The following TSPAN13 variants were observed in gnomAD, a reference collection of about 807,000 sequenced individuals.
TSPAN13 encodes the protein tetraspanin 13.
Under a neutral mutation model 26.9 loss-of-function variants are expected in TSPAN13, and 18 were observed. The observed-to-expected ratio is 0.67, with a 90% CI of 0.46 to 0.99. The LOEUF is 0.99. TSPAN13 is among the 50% of genes least tolerant of loss of function. The pLI, the probability that TSPAN13 is intolerant of heterozygous loss-of-function variation, is 0.00. For missense variants in TSPAN13, 201 were observed against 249.6 expected, an observed-to-expected ratio of 0.81 and a Z score of 1.31; for synonymous variants, 116 against 98.4, an observed-to-expected ratio of 1.18 and a Z score of -1.06.
intron 1 of TSPAN13, among the ~76,000 whole-genome samples, chr7:16,759,694 T>A (rs916361625): frequency 3.5e-5 from 5 of 140,966 alleles, no homozygotes; most frequent in African/African-American, 1.4e-4. Flanking sequence ...TTCTTTTCTT[T>A]CTTTCTTTTT....
chr7:16,754,006 G>C lies in TSPAN13; in HGVS notation c.39G>C (p.Leu13=). The change falls in exon 1 of 6, where the codon CTG becomes CTC. Residue 13 remains leucine (L), a synonymous_variant. Transcript: ENST00000262067. ...GCTTCGCGTGTTCCAAGAACTGCCT[G>C]TGCGCCCTCAACCTGCTTTACACCG... ...CGGFACSKNC[L]CALNLLYTLV... 1 of 1,613,776 alleles carries C rather than the reference G, an allele frequency of 6.2e-7. No individual in the cohort carries two copies. The highest frequency in any genetic ancestry group is 1.1e-5 in the South Asian group (1 of 90,976).
intron 1 of TSPAN13, among the ~76,000 whole-genome samples, chr7:16,770,636 AT>A (rs1246886165): frequency 6.6e-6 from 1 of 151,288 alleles, no homozygotes; most frequent in South Asian, 2.1e-4. Flanking sequence ...CTCATGGTAA[AT>A]TTTTTTCTTA....
intron 4 of TSPAN13, among the ~76,000 whole-genome samples, chr7:16,778,776 T>G (rs1700951486): frequency 6.6e-6 from 1 of 152,160 alleles, no homozygotes; most frequent in Admixed American, 6.5e-5. Flanking sequence ...CCTATCATAT[T>G]CACAAGTTCC....
At chr7:16,762,511 T>A (rs7805989) in intron 1 of TSPAN13, among the ~76,000 whole-genome samples, 2,832 of 152,280 alleles carry the variant, frequency 0.019, 82 homozygotes, top group African/African-American at 0.064. Flanking sequence ...TATGGACTTT[T>A]TCTCGAGATC....
At chr7:16,782,224 G>C (rs1784820705) in intron 5 of TSPAN13, among the ~76,000 whole-genome samples, 1 of 152,150 alleles carries the variant, frequency 6.6e-6, no homozygotes, top group Non-Finnish European at 1.5e-5. Flanking sequence ...CTTCAAATCA[G>C]GCTTACCTTT....
At chr7:16,779,802 T>C (rs757297672) in intron 5 of TSPAN13, among the ~76,000 whole-genome samples, 3 of 151,174 alleles carry the variant, frequency 2.0e-5, no homozygotes, top group Non-Finnish European at 4.4e-5. Context: ...GATGGAGTCT[T>C]GCTCTGTCAC....
intron 2 of TSPAN13, 46 bp from the exon 3 acceptor site, chr7:16,776,996 G>A: frequency 7.3e-7 from 1 of 1,362,190 alleles, no homozygotes; most frequent in African/African-American, 1.4e-5. Flanking sequence ...TCTGTTTTAT[G>A]CCATTCTAAG....
intron 5 of TSPAN13, 151 bp downstream of exon 5, chr7:16,779,267 C>A: frequency 1.7e-6 from 1 of 594,992 alleles, no homozygotes; most frequent in South Asian, 2.2e-5. Flanking sequence ...GAAGATCTTA[C>A]AAGTCTATTA....
intron 1 of TSPAN13, among the ~76,000 whole-genome samples, chr7:16,759,963 AG>A (rs1162763416): frequency 6.6e-6 from 1 of 152,126 alleles, no homozygotes; most frequent in Non-Finnish European, 1.5e-5. Flanking sequence ...CTTGGATTAC[AG>A]GTGTGAGCAA....
rs921434264 is a variant in TSPAN13, at chr7:16,753,836, C to G, written c.-132C>G. On this transcript the variant is annotated 5_prime_UTR_variant, in exon 1 of 6. Transcript: ENST00000262067. ...CGCGCCGCGCACTGCAGCCCCAGGC[C>G]CCGGCCCCCCACCCACGTCTGCGTT... 1.0e-5 allele frequency: 10 copies of G among 980,942 alleles called. No homozygotes were observed. The Admixed American group carries it at 1.2e-4, about 12-fold the overall frequency. 60.8% of individuals were successfully genotyped at this position (980,942 alleles called of 1,614,324 possible).
intron 1 of TSPAN13, among the ~76,000 whole-genome samples, chr7:16,775,468 A>T (rs190396315): frequency 2.0e-5 from 3 of 152,256 alleles, no homozygotes; most frequent in African/African-American, 7.2e-5. Context: ...TATTCTGCTA[A>T]AAGTTTTAAT....
chr7:16,769,940 G>A (rs539843216), intron 1 of TSPAN13, among the ~76,000 whole-genome samples: 10 of 151,706 alleles, frequency 6.6e-5, no homozygotes, highest in Non-Finnish European at 1.3e-4. Context: ...CTTTTTGATC[G>A]GTATTTATCA....
intron 1 of TSPAN13, among the ~76,000 whole-genome samples, chr7:16,762,381 C>T (rs905573921): frequency 3.3e-5 from 5 of 152,160 alleles, no homozygotes; most frequent in African/African-American, 1.2e-4. Flanking sequence ...TTGTCTGGTG[C>T]TTAAAGTGTA....
intron 5 of TSPAN13, among the ~76,000 whole-genome samples, chr7:16,782,105 A>T (rs950292957): frequency 6.6e-6 from 1 of 152,122 alleles, no homozygotes; most frequent in African/African-American, 2.4e-5. Context: ...GATTATATGA[A>T]TTTGTAGTTT....
At chr7:16,779,776 C>CTTT (rs34638889) in intron 5 of TSPAN13, among the ~76,000 whole-genome samples, 4 of 143,124 alleles carry the variant, frequency 2.8e-5, no homozygotes, top group African/African-American at 5.1e-5. Flanking sequence ...GATTAATATT[C>CTTT]TTTTTTTTTT....
chr7:16,767,828 G>A (rs1324261245), intron 1 of TSPAN13, among the ~76,000 whole-genome samples: 1 of 152,068 alleles, frequency 6.6e-6, no homozygotes, highest in African/African-American at 2.4e-5. Context: ...TTCTTCTTCA[G>A]TGAATTGACT....
At chr7:16,771,670 T>A (rs1784681178) in intron 1 of TSPAN13, among the ~76,000 whole-genome samples, 1 of 152,226 alleles carries the variant, frequency 6.6e-6, no homozygotes, top group South Asian at 2.1e-4. Context: ...ATTCTCCCTC[T>A]GGAGCTTTCA....
chr7:16,776,966 G>C (rs1784758425), intron 2 of TSPAN13, 76 bp from the exon 3 acceptor site: 2 of 955,570 alleles, frequency 2.1e-6, no homozygotes, highest in South Asian at 3.1e-5. Context: ...GCATTCTAAA[G>C]TTGTCAGTAC....
chr7:16,755,628 T>A (rs1207180694), intron 1 of TSPAN13, among the ~76,000 whole-genome samples: 1 of 151,944 alleles, frequency 6.6e-6, no homozygotes, highest in Non-Finnish European at 1.5e-5. Flanking sequence ...GTTTTTTTTC[T>A]GCCAATGATT....
Sources: gnomAD v4.1 joint callset for allele counts (sites outside exome capture counted in the v4.1 genomes callset) on GRCh38, gnomAD v4.1.1 for gene constraint, MANE v1.5 for transcripts, NCBI Gene and HGNC (gene_info 2026-07-23, HGNC 2026-07-21) for gene names.